PLCB1: variants seen among roughly 807,000 people sequenced by gnomAD.
PLCB1 encodes the protein 1-phosphatidylinositol 4,5-bisphosphate phosphodiesterase beta-1.
Under a neutral mutation model 161.8 loss-of-function variants are expected in PLCB1, and 46 were observed. The observed-to-expected ratio is 0.28, with a 90% CI of 0.22 to 0.36. The LOEUF (loss-of-function observed/expected upper bound fraction) is 0.36. PLCB1 is among the 10% of genes least tolerant of loss of function. The probability of loss-of-function intolerance (pLI) is 1.00; values close to 1 mark genes in which losing one functional copy is unlikely to be tolerated. For synonymous variants in PLCB1, 517 were observed against 503.7 expected (o/e 1.03, Z -0.35); for missense variants, 1,016 against 1,472.5 (o/e 0.69, Z 5.07).
rs569451099 is a variant in PLCB1, at chr20:8,745,796, C to A, written c.2523+4223C>A. 2.6e-5 allele frequency among the ~76,000 whole-genome samples: 4 copies of A among 151,980 alleles called. No individual in the cohort carries two copies. The East Asian group carries it at 7.7e-4, about 29-fold the overall frequency. On this transcript the variant is annotated intron_variant, in intron 23 of 31. Coordinates refer to ENST00000338037, the MANE Select transcript of PLCB1 (RefSeq NM_015192.4). Reference sequence around the variant, plus strand: ...CAAAGTATAACATTCACAGTTAATTCCTTTAAATAAAAAGTCACGTAGAAA... The same window carrying A: ...CAAAGTATAACATTCACAGTTAATTACTTTAAATAAAAAGTCACGTAGAAA...
chr20:8,158,915 A>G (rs1288814639), intron 2 of PLCB1, among the ~76,000 whole-genome samples: 1 of 152,192 alleles, frequency 6.6e-6, no homozygotes, highest in Non-Finnish European at 1.5e-5. Flanking sequence ...TGCAGGGTAC[A>G]GCCCCCTTCC....
At chr20:8,839,777 C>T (rs1385798970) in intron 31 of PLCB1, among the ~76,000 whole-genome samples, 3 of 150,334 alleles carry the variant, frequency 2.0e-5, no homozygotes, top group Non-Finnish European at 4.4e-5. Context: ...CGGTGGCTCA[C>T]GCCAGCACTT....
chr20:8,879,962 C>T (rs749126497), intron 31 of PLCB1, among the ~76,000 whole-genome samples: 9 of 152,008 alleles, frequency 5.9e-5, no homozygotes, highest in Non-Finnish European at 1.3e-4. Flanking sequence ...ATCAGAGTGG[C>T]CAAAGCAGAT....
intron 3 of PLCB1, among the ~76,000 whole-genome samples, chr20:8,411,518 C>A (rs1322208677): frequency 1.3e-5 from 2 of 152,034 alleles, no homozygotes; most frequent in African/African-American, 2.4e-5. Context: ...TAAATTCATT[C>A]TTTTAGTCTT....
chr20:8,489,166 G>A (rs746826600), intron 3 of PLCB1, among the ~76,000 whole-genome samples: 133 of 152,196 alleles, frequency 8.7e-4, no homozygotes, highest in African/African-American at 2.9e-3. Context: ...AAGAGGATAC[G>A]TCTATTATGG....
At chr20:8,821,285 C>T (rs961502178) in intron 31 of PLCB1, among the ~76,000 whole-genome samples, 16 of 151,160 alleles carry the variant, frequency 1.1e-4, no homozygotes, top group African/African-American at 3.9e-4. Context: ...TCGAGACCAG[C>T]CTGGCCAAAA....
At chr20:8,489,213 G>A (rs763944072) in intron 3 of PLCB1, among the ~76,000 whole-genome samples, 7 of 152,232 alleles carry the variant, frequency 4.6e-5, no homozygotes, top group Non-Finnish European at 1.0e-4. Flanking sequence ...GCACAGACTT[G>A]TAAATAATCT....
At chr20:8,694,429 A>C in intron 10 of PLCB1, among the ~76,000 whole-genome samples, 1 of 152,138 alleles carries the variant, frequency 6.6e-6, no homozygotes, top group East Asian at 1.9e-4. Flanking sequence ...TTTATTCTTC[A>C]GTTTTTTTCC....
rs1409806013 is a variant in PLCB1 at position 8,276,983 on chromosome 20, CTTCTTATTATTA to C, written c.178-94396_178-94385del. Among the ~76,000 whole-genome samples, 334 of 99,154 alleles carry C rather than the reference CTTCTTATTATTA, an allele frequency of 3.4e-3. 2 individuals carry two copies. The highest frequency in any genetic ancestry group is 5.5e-3 in the Non-Finnish European group (272 of 49,904). 65.0% of individuals were successfully genotyped at this position (99,154 alleles called of 152,430 possible). ...TCTTCTTCTTCTTCTTCTTCTTCTT[CTTCTTATTATTA>C]TTATTATTATTATTATTATTGTTAG... On this transcript the variant is annotated intron_variant, in intron 2 of 31. Transcript: ENST00000338037.
chr20:8,849,880 G>A (rs912120227), intron 31 of PLCB1, among the ~76,000 whole-genome samples: 1 of 151,576 alleles, frequency 6.6e-6, no homozygotes, highest in African/African-American at 2.4e-5. Flanking sequence ...GGGCATGCTG[G>A]TGCAGGCCTG....
chr20:8,802,140 G>T, intron 31 of PLCB1: 1 of 1,611,138 alleles, frequency 6.2e-7, no homozygotes. Context: ...CAACCCTCAA[G>T]CTCTCAAGTG....
chr20:8,391,003 C>G (rs769314748), intron 3 of PLCB1, among the ~76,000 whole-genome samples: 4 of 151,556 alleles, frequency 2.6e-5, no homozygotes, highest in Non-Finnish European at 5.9e-5. Flanking sequence ...CATTGTTTGT[C>G]TAAATGCATT....
chr20:8,491,864 A>G (rs1438081002), intron 3 of PLCB1, among the ~76,000 whole-genome samples: 2 of 152,098 alleles, frequency 1.3e-5, no homozygotes, highest in Non-Finnish European at 2.9e-5. Flanking sequence ...CCCAAGGATC[A>G]CTGTCCTTTG....
At chr20:8,268,693 T>G (rs567269232) in intron 2 of PLCB1, among the ~76,000 whole-genome samples, 1 of 152,368 alleles carries the variant, frequency 6.6e-6, no homozygotes, top group South Asian at 2.1e-4. Context: ...ATTGTGGTTT[T>G]GATTTGCATT....
At chr20:8,756,255 T>A (rs1379856475) in intron 23 of PLCB1, among the ~76,000 whole-genome samples, 2 of 152,168 alleles carry the variant, frequency 1.3e-5, no homozygotes, top group African/African-American at 4.8e-5. Context: ...CAAGATAATA[T>A]TATGATCCCC....
At chr20:8,260,989 G>A (rs560997410) in intron 2 of PLCB1, among the ~76,000 whole-genome samples, 7 of 152,116 alleles carry the variant, frequency 4.6e-5, no homozygotes, top group Non-Finnish European at 7.4e-5. Context: ...AAGAAAGCAC[G>A]GCTGCCTTGC....
In PLCB1 at chr20:8,628,156, C is replaced by T. The variant is rs1988415816; in HGVS notation, c.247-138C>T. 3 of 691,160 alleles carry T rather than the reference C, an allele frequency of 4.3e-6. No homozygotes were observed. In the South Asian group the frequency reaches 5.7e-5, roughly 13 times the overall value. The allele number at this position is 691,160 out of a possible 1,614,324, so 42.8% of individuals were successfully genotyped here. A position where few individuals can be genotyped will look rare whatever the true frequency, so the allele number is the denominator to read the frequency against. On this transcript the variant is annotated intron_variant, in intron 3 of 31. Coordinates refer to ENST00000338037, the MANE Select transcript of PLCB1 (RefSeq NM_015192.4). ...TCTAGGCCATTTGTGGAATGGGAGCCTTAAACTCCTACAATTTTCTAGTAA... is the reference window on the plus strand; with the variant it reads ...TCTAGGCCATTTGTGGAATGGGAGCTTTAAACTCCTACAATTTTCTAGTAA...
chr20:8,153,759 C>T (rs547226172), intron 2 of PLCB1, among the ~76,000 whole-genome samples: 2 of 152,060 alleles, frequency 1.3e-5, no homozygotes, highest in South Asian at 4.1e-4. Flanking sequence ...CAATATAGTT[C>T]AGTAAACCCT....
intron 14 of PLCB1, among the ~76,000 whole-genome samples, chr20:8,721,796 TC>T (rs1979647391): frequency 6.6e-6 from 1 of 152,170 alleles, no homozygotes; most frequent in South Asian, 2.1e-4. Flanking sequence ...GCCCCAGAGT[TC>T]CTGCCCCAGC....
Sources: gnomAD v4.1 joint callset for allele counts (sites outside exome capture counted in the v4.1 genomes callset) on GRCh38, gnomAD v4.1.1 for gene constraint, MANE v1.5 for transcripts, NCBI Gene and HGNC (gene_info 2026-07-23, HGNC 2026-07-21) for gene names.